ADAMTSL1: variants seen among roughly 807,000 people sequenced by gnomAD.
ADAMTSL1 encodes the protein ADAMTS like 1, also known as ADAMTS-like protein 1.
In ADAMTSL1, 126 loss-of-function variants were observed where a neutral mutation model predicts 201.8. That is an observed-to-expected ratio of 0.62 (90% CI 0.54 to 0.72). ADAMTSL1 has a LOEUF of 0.72. Among genes scored for constraint, ADAMTSL1 ranks in the 30% least tolerant of loss-of-function variants. The pLI is 0.00. For synonymous variants in ADAMTSL1, 1,121 were observed against 903.4 expected (o/e 1.24, Z -4.32); for missense variants, 2,679 against 2,277.8 (o/e 1.18, Z -3.59).
At chr9:18,316,985 C>T (rs1465628120) in intron 2 of ADAMTSL1, among the ~76,000 whole-genome samples, 3 of 152,100 alleles carry the variant, frequency 2.0e-5, no homozygotes, top group Non-Finnish European at 4.4e-5. Context: ...CCTAAGTGTC[C>T]ATGGATGGAT....
At chr9:18,630,660 T>A (rs1289813000) in intron 5 of ADAMTSL1, among the ~76,000 whole-genome samples, 1 of 152,218 alleles carries the variant, frequency 6.6e-6, no homozygotes, top group Non-Finnish European at 1.5e-5. Context: ...ACAGAATTGC[T>A]GCCCTTTTTT....
At chr9:18,069,766 T>C (rs886671280) in intron 1 of ADAMTSL1, among the ~76,000 whole-genome samples, 1 of 152,158 alleles carries the variant, frequency 6.6e-6, no homozygotes, top group Non-Finnish European at 1.5e-5. Flanking sequence ...AGCCATAGTG[T>C]TGAAACTGCT....
At chr9:18,083,584 C>T (rs1823610947) in intron 1 of ADAMTSL1, among the ~76,000 whole-genome samples, 1 of 152,182 alleles carries the variant, frequency 6.6e-6, no homozygotes, top group African/African-American at 2.4e-5. Context: ...CTGAAAATCT[C>T]AGGGCACTTA....
Position 18,314,782 on chromosome 9 carries a change from C to CTTTTTTTTTTTTTTTTTTTT in ADAMTSL1, c.207+150814_207+150833dup, listed in dbSNP as rs776046209. On this transcript the variant is annotated intron_variant, in intron 2 of 29. Transcript: ENST00000680146. ...TGCCACTGCTGCCTTCGGCAGCGTGCTTTTTTTTTTTTTTTTTTTTTTTTT... is the reference window on the plus strand; with the variant it reads ...TGCCACTGCTGCCTTCGGCAGCGTGCTTTTTTTTTTTTTTTTTTTTTTTTTTTTTTTTTTTTTTTTTTTTT... Among the ~76,000 whole-genome samples, 2 of 49,852 alleles carry CTTTTTTTTTTTTTTTTTTTT rather than the reference C, an allele frequency of 4.0e-5. 1 individual carries two copies. Among genetic ancestry groups the CTTTTTTTTTTTTTTTTTTTT allele is most frequent in the Non-Finnish European group, 7.1e-5 (2 of 28,070 alleles). The allele number at this position is 49,852 out of a possible 152,430, so 32.7% of individuals were successfully genotyped here.
At chr9:18,291,359 G>A (rs770255948) in intron 2 of ADAMTSL1, among the ~76,000 whole-genome samples, 2 of 152,108 alleles carry the variant, frequency 1.3e-5, no homozygotes, top group Non-Finnish European at 2.9e-5. Flanking sequence ...ACAAAAGCCA[G>A]CTTACAAACT....
chr9:18,488,580 C>T (rs1028625800), intron 1 of ADAMTSL1, among the ~76,000 whole-genome samples: 1 of 152,190 alleles, frequency 6.6e-6, no homozygotes, highest in African/African-American at 2.4e-5. Flanking sequence ...GCCCCAGTTT[C>T]CTTGCCTGTA....
At chr9:18,014,750 T>C (rs1820187596) in intron 1 of ADAMTSL1, among the ~76,000 whole-genome samples, 1 of 151,872 alleles carries the variant, frequency 6.6e-6, no homozygotes, top group African/African-American at 2.4e-5. Flanking sequence ...TGGAGGCTGA[T>C]GACAGCTCAG....
At chr9:18,172,946 A>C (rs1401193250) in intron 2 of ADAMTSL1, among the ~76,000 whole-genome samples, 1 of 152,180 alleles carries the variant, frequency 6.6e-6, no homozygotes, top group Non-Finnish European at 1.5e-5. Flanking sequence ...TGCGAAAAAT[A>C]TGCTTCAACT....
At chr9:18,242,479 C>G (rs1027854477) in intron 2 of ADAMTSL1, among the ~76,000 whole-genome samples, 21 of 152,152 alleles carry the variant, frequency 1.4e-4, no homozygotes, top group African/African-American at 4.6e-4. Flanking sequence ...CTCTTTAATT[C>G]TATTCAACAT....
intron 2 of ADAMTSL1, among the ~76,000 whole-genome samples, chr9:18,304,157 T>C (rs1295693763): frequency 6.6e-6 from 1 of 152,180 alleles, no homozygotes; most frequent in Non-Finnish European, 1.5e-5. Flanking sequence ...ACTTTTTTTT[T>C]TCTGTTACAG....
chr9:18,457,897 A>G (rs1820668273), intron 2 of ADAMTSL1, among the ~76,000 whole-genome samples: 1 of 152,220 alleles, frequency 6.6e-6, no homozygotes, highest in Non-Finnish European at 1.5e-5. Context: ...TAGCTCATGC[A>G]CAGTCACTGT....
At chr9:18,445,242 T>G (rs1209804746) in intron 2 of ADAMTSL1, among the ~76,000 whole-genome samples, 1 of 152,200 alleles carries the variant, frequency 6.6e-6, no homozygotes, top group Non-Finnish European at 1.5e-5. Flanking sequence ...AGCCTTTGAT[T>G]TGAGAGCTAA....
At chr9:18,011,294 T>A (rs193030265) in intron 1 of ADAMTSL1, among the ~76,000 whole-genome samples, 7 of 152,192 alleles carry the variant, frequency 4.6e-5, no homozygotes, top group Non-Finnish European at 1.0e-4. Flanking sequence ...CTCATAATCT[T>A]TGTCTCAAAT....
chr9:18,898,355 G>A (rs921678384), intron 26 of ADAMTSL1, among the ~76,000 whole-genome samples: 11 of 152,124 alleles, frequency 7.2e-5, no homozygotes, highest in South Asian at 4.1e-4. Context: ...AACACAACAC[G>A]AGAAATTCAC....
At chr9:18,047,510 G>C (rs764246685) in intron 1 of ADAMTSL1, among the ~76,000 whole-genome samples, 5 of 152,140 alleles carry the variant, frequency 3.3e-5, no homozygotes. Flanking sequence ...GGTAGTGACT[G>C]CAAGAAGCAG....
At chr9:18,306,178 A>G (rs1316689329) in intron 2 of ADAMTSL1, among the ~76,000 whole-genome samples, 4 of 152,150 alleles carry the variant, frequency 2.6e-5, no homozygotes, top group Admixed American at 1.3e-4. Context: ...CACATAAACC[A>G]CATCCGAAGA....
At chr9:18,065,800 G>A (rs1295135804) in intron 1 of ADAMTSL1, among the ~76,000 whole-genome samples, 1 of 151,886 alleles carries the variant, frequency 6.6e-6, no homozygotes, top group Non-Finnish European at 1.5e-5. Context: ...GGCCAACATG[G>A]CAAAACCCTG....
intron 2 of ADAMTSL1, among the ~76,000 whole-genome samples, chr9:18,446,479 G>T (rs1177194019): frequency 6.6e-6 from 1 of 152,238 alleles, no homozygotes; most frequent in African/African-American, 2.4e-5. Flanking sequence ...AATTCTACCA[G>T]ATTATAAAAA....
At chr9:18,237,543 C>G (rs765616992) in intron 2 of ADAMTSL1, among the ~76,000 whole-genome samples, 6 of 152,186 alleles carry the variant, frequency 3.9e-5, no homozygotes, top group Non-Finnish European at 8.8e-5. Flanking sequence ...AGAAAGCTCA[C>G]TACTATACAA....
Sources: gnomAD v4.1 joint callset for allele counts (sites outside exome capture counted in the v4.1 genomes callset) on GRCh38, gnomAD v4.1.1 for gene constraint, MANE v1.5 for transcripts, NCBI Gene and HGNC (gene_info 2026-07-23, HGNC 2026-07-21) for gene names.